Variants in DISP1 observed in about 807,000 individuals in gnomAD.
DISP1 encodes the protein dispatched RND transporter family member 1, also known as protein dispatched homolog 1.
DISP1 carries 30 observed loss-of-function variants against 37.3 expected under a neutral mutation model. That is an observed-to-expected ratio of 0.80 (90% CI 0.60 to 1.09). The LOEUF (loss-of-function observed/expected upper bound fraction) is 1.09. Among genes scored for constraint, DISP1 ranks in the 50% least tolerant of loss-of-function variants. The pLI is 0.00. For missense variants in DISP1, 1,598 were observed against 1,879.5 expected (o/e 0.85, Z 2.77); for synonymous variants, 634 against 690.2 (o/e 0.92, Z 1.28).
intron 3 of DISP1, among the ~76,000 whole-genome samples, chr1:222,949,221 C>A (rs1276435058): frequency 6.6e-6 from 1 of 151,958 alleles, no homozygotes; most frequent in Non-Finnish European, 1.5e-5. Flanking sequence ...ATGGCGAAAC[C>A]CTGTCTCTGC....
intron 3 of DISP1, among the ~76,000 whole-genome samples, chr1:222,969,715 A>G (rs1025335981): frequency 2.0e-5 from 3 of 151,984 alleles, no homozygotes; most frequent in Admixed American, 6.6e-5. Flanking sequence ...AATTTTGTTT[A>G]TATTTAATTT....
At chr1:222,854,420 T>A (rs1668443074) in intron 1 of DISP1, among the ~76,000 whole-genome samples, 1 of 152,010 alleles carries the variant, frequency 6.6e-6, no homozygotes, top group African/African-American at 2.4e-5. Context: ...AACCATCAGA[T>A]CTTGTGAGAC....
At chr1:222,917,633 C>T (rs1672569403) in intron 1 of DISP1, among the ~76,000 whole-genome samples, 1 of 152,110 alleles carries the variant, frequency 6.6e-6, no homozygotes, top group Admixed American at 6.5e-5. Context: ...ATTTTTTGCA[C>T]CACCCACAGC....
intron 3 of DISP1, among the ~76,000 whole-genome samples, chr1:222,945,321 A>G (rs1223546593): frequency 6.6e-6 from 1 of 152,188 alleles, no homozygotes; most frequent in African/African-American, 2.4e-5. Context: ...TCCTGACCAC[A>G]TTGTGCTACA....
intron 3 of DISP1, among the ~76,000 whole-genome samples, chr1:222,963,785 G>T (rs1676249317): frequency 6.6e-6 from 1 of 151,764 alleles, no homozygotes; most frequent in Non-Finnish European, 1.5e-5. Flanking sequence ...GTGAGAGAAG[G>T]GAACTTAGAA....
Position 222,859,329 on chromosome 1 carries a change from C to T in DISP1, c.-159+44251C>T, listed in dbSNP as rs554923798. 6.6e-5 allele frequency among the ~76,000 whole-genome samples: 10 copies of T among 152,140 alleles called. No homozygotes were observed. In the East Asian group the frequency reaches 1.4e-3, roughly 21 times the overall value. The stretch of plus-strand genomic sequence containing the variant: ...GGGAACAGCACACATTGGGGCCTGT[C>T]GGGAGGTGGAGTCGGGGGAGGGAGA... On this transcript the variant is annotated intron_variant, in intron 1 of 8. Transcript: ENST00000675850.
intron 1 of DISP1, among the ~76,000 whole-genome samples, chr1:222,919,384 C>T (rs931710917): frequency 6.6e-6 from 1 of 152,146 alleles, no homozygotes; most frequent in African/African-American, 2.4e-5. Context: ...AGCCTGTTAG[C>T]AATAATGTGA....
In DISP1 at chr1:223,003,472, A is replaced by G; in HGVS notation, c.2075A>G (p.His692Arg). Reference sequence around the variant, plus strand: ...TGGACAGTGGCTTGCCAGAAGTGCCACAAAGTACTCTTTGCCATTTCAGAA... The same window carrying G: ...TGGACAGTGGCTTGCCAGAAGTGCCGCAAAGTACTCTTTGCCATTTCAGAA... ...SCWTVACQKC[H>R]KVLFAISEAS... The change falls in exon 9 of 9, where the codon CAC becomes CGC. Residue 692 changes from histidine to arginine, a missense_variant. Physicochemically the swap from His to Arg is conservative, Grantham distance 29. Transcript: ENST00000675850. The surrounding 1 kb of genome is among the most constrained non-coding windows in gnomAD (Gnocchi z 4.3). The G allele has an allele frequency of 6.2e-7, 1 of 1,614,202 alleles. No individual in the cohort carries two copies. Among genetic ancestry groups the G allele is most frequent in the Non-Finnish European group, 8.5e-7 (1 of 1,180,044 alleles).
chr1:222,959,095 C>G (rs1455209835), intron 3 of DISP1, among the ~76,000 whole-genome samples: 3 of 152,020 alleles, frequency 2.0e-5, no homozygotes, highest in Non-Finnish European at 2.9e-5. Context: ...TTTATCGTGA[C>G]TATAAATTTT....
intron 1 of DISP1, chr1:222,899,677 C>T (rs1342894284): frequency 6.6e-6 from 1 of 152,204 alleles, no homozygotes; most frequent in Non-Finnish European, 1.5e-5. Context: ...TTCCTGGGCT[C>T]AAGGGATCCT....
intron 3 of DISP1, among the ~76,000 whole-genome samples, chr1:222,979,248 T>C (rs2378619): frequency 0.27 from 41,455 of 151,680 alleles, 5,839 homozygotes; most frequent in South Asian, 0.34. Context: ...CATCTACAAA[T>C]AAAAAATCTA....
At position 223,004,004 on chromosome 1, in the gene DISP1, C is replaced by A. The variant is rs376412725; in HGVS notation, c.2607C>A (p.Ala869=). 6.2e-7 allele frequency: 1 copy of A among 1,614,014 alleles called. No homozygotes were observed. The change falls in exon 9 of 9, where the codon GCC becomes GCA. Residue 869 remains alanine, a synonymous_variant. Coordinates refer to ENST00000675850, the MANE Select transcript of DISP1 (RefSeq NM_001377229.1). This position sits in a 1 kb window ranked among gnomAD's most constrained non-coding sequence, Gnocchi z 4.9. Reference sequence around the variant, plus strand: ...AAAACCAGGACTGTGATGAGCCTGCCCTGTACCCATGCTGCAGCCACTGGA... The same window carrying A: ...AAAACCAGGACTGTGATGAGCCTGCACTGTACCCATGCTGCAGCCACTGGA... The part of the protein sequence containing the change: ...WMENQDCDEP[A]LYPCCSHWSF...
At chr1:222,879,548 A>G (rs1466289170) in intron 1 of DISP1, among the ~76,000 whole-genome samples, 1 of 152,148 alleles carries the variant, frequency 6.6e-6, no homozygotes, top group Non-Finnish European at 1.5e-5. Flanking sequence ...ATAAAATGTG[A>G]TTGTGTACAT....
At chr1:222,883,157 A>G (rs150481348) in intron 1 of DISP1, among the ~76,000 whole-genome samples, 52 of 152,306 alleles carry the variant, frequency 3.4e-4, no homozygotes, top group African/African-American at 1.2e-3. Flanking sequence ...ATTTGGTAAT[A>G]CAATTTAAGT....
At chr1:222,888,029 A>G (rs1437050249) in intron 1 of DISP1, among the ~76,000 whole-genome samples, 2 of 152,144 alleles carry the variant, frequency 1.3e-5, no homozygotes, top group Non-Finnish European at 2.9e-5. Context: ...TTGACTGTAG[A>G]AGTTTCAGTT....
At chr1:222,840,719 C>T (rs992379733) in intron 1 of DISP1, among the ~76,000 whole-genome samples, 1 of 148,552 alleles carries the variant, frequency 6.7e-6, no homozygotes, top group Non-Finnish European at 1.5e-5. Flanking sequence ...CCCGCCACCA[C>T]ACCCGGCTAA....
chr1:222,892,699 T>G (rs1290799183), intron 1 of DISP1, among the ~76,000 whole-genome samples: 1 of 152,230 alleles, frequency 6.6e-6, no homozygotes, highest in Admixed American at 6.5e-5. Flanking sequence ...ATGGAACACT[T>G]TGATGTGAAA....
intron 3 of DISP1, among the ~76,000 whole-genome samples, chr1:222,943,885 C>A (rs1356906745): frequency 6.6e-6 from 1 of 152,052 alleles, no homozygotes; most frequent in Non-Finnish European, 1.5e-5. Flanking sequence ...AAAAAATTAG[C>A]TGGGCGTGGT....
intron 3 of DISP1, among the ~76,000 whole-genome samples, chr1:222,955,668 C>T (rs574657836): frequency 6.6e-6 from 1 of 152,170 alleles, no homozygotes; most frequent in South Asian, 2.1e-4. Flanking sequence ...AGACTGTGCC[C>T]CAGGGAGAGT....
Sources: allele counts gnomAD v4.1 joint callset (sites outside exome capture counted in the v4.1 genomes callset), GRCh38; gene constraint gnomAD v4.1.1; non-coding constraint Gnocchi (gnomAD v3.1); transcripts MANE v1.5; gene names NCBI Gene and HGNC (gene_info 2026-07-23, HGNC 2026-07-21).